The following ANO7 variants were observed in gnomAD, a reference collection of about 807,000 sequenced individuals.
ANO7 encodes the protein anoctamin 7.
Under a neutral mutation model 115.8 loss-of-function variants are expected in ANO7, and 114 were observed. That is an observed-to-expected ratio of 0.98 (90% CI 0.85 to 1.15). The LOEUF (loss-of-function observed/expected upper bound fraction) is 1.15. Among genes scored for constraint, ANO7 ranks in the 50% most tolerant of loss-of-function variants. The probability of loss-of-function intolerance (pLI) is 0.00; values close to 1 mark genes in which losing one functional copy is unlikely to be tolerated. For missense variants in ANO7, 1,302 were observed against 1,201.2 expected, an observed-to-expected ratio of 1.08 and a Z score of -1.24; for synonymous variants, 550 against 498.2, an observed-to-expected ratio of 1.10 and a Z score of -1.38.
intron 19 of ANO7, among the ~76,000 whole-genome samples, chr2:241,217,236 C>A (rs1419890170): frequency 1.3e-5 from 2 of 152,212 alleles, no homozygotes; most frequent in Non-Finnish European, 1.5e-5. Context: ...GTTCCCAGGG[C>A]GAGGAGTGGA....
At chr2:241,239,655 T>C in the ANO7 span, 1 of 1,614,228 alleles carries the variant, frequency 6.2e-7, no homozygotes, top group Non-Finnish European at 8.5e-7. The surrounding 1 kb of genome is among the most constrained non-coding windows in gnomAD (Gnocchi z 4.6). Flanking sequence ...ACACAGTCCT[T>C]GGCGCCCTTG....
chr2:241,235,369 TC>T, the ANO7 span: 1 of 1,517,854 alleles, frequency 6.6e-7, no homozygotes, highest in Non-Finnish European at 9.1e-7. Flanking sequence ...TGAAGGGAAG[TC>T]AGTGCCCAGT....
chr2:241,197,549 G>A (rs890934798), intron 4 of ANO7, among the ~76,000 whole-genome samples: 8 of 152,058 alleles, frequency 5.3e-5, no homozygotes, highest in Admixed American at 3.9e-4. Flanking sequence ...ACCATGCCCG[G>A]CTAATTTTTT....
At chr2:241,190,609 G>A (rs1271032732) in intron 2 of ANO7, among the ~76,000 whole-genome samples, 1 of 152,244 alleles carries the variant, frequency 6.6e-6, no homozygotes, top group Non-Finnish European at 1.5e-5. Flanking sequence ...AAGGCCATGC[G>A]GGAGGCCCTG....
chr2:241,226,104 G>A (rs906737652), downstream of ANO7, among the ~76,000 whole-genome samples: 6 of 152,000 alleles, frequency 3.9e-5, no homozygotes, highest in African/African-American at 1.2e-4. Context: ...GAAGCTCCCC[G>A]ATGCCCACGT....
downstream of ANO7, chr2:241,229,945 TCCA>T (rs1171009287): frequency 3.1e-6 from 5 of 1,601,652 alleles, no homozygotes; most frequent in African/African-American, 2.7e-5. Context: ...CGCCTCACTG[TCCA>T]CCACGTCAGC....
chr2:241,218,383 T>C lies in ANO7; in HGVS notation c.2321+2T>C. On this transcript the variant is annotated splice_donor_variant, in intron 21 of 24. Transcript: ENST00000674324. LOFTEE classifies it high-confidence loss of function. ...CGCCGCGCACAACCGCACGTGCAGG[T>C]GAGCCCCGCGCCAGGTGGAGGGGGC... The C allele has an allele frequency of 7.1e-7, 1 of 1,409,542 alleles. No homozygotes were observed. Among genetic ancestry groups the C allele is most frequent in the Non-Finnish European group, 9.3e-7 (1 of 1,078,882 alleles). The allele number at this position is 1,409,542 out of a possible 1,614,324, so 87.3% of individuals were successfully genotyped here.
chr2:241,190,293 C>G (rs1307957375), intron 2 of ANO7, 122 bp downstream of exon 2: 3 of 779,172 alleles, frequency 3.9e-6, no homozygotes, highest in Non-Finnish European at 6.2e-6. Flanking sequence ...CTCCTGCATC[C>G]CCCGGCAACC....
chr2:241,195,807 C>T lies in ANO7; in HGVS notation c.271C>T (p.Leu91=), dbSNP rs750105636. The part of the protein sequence containing the change: ...DMHRTWRETF[L]DNLRAAGLCV... ...GCACAGGACCTGGCGGGAGACTTTT[C>T]TGGATAATCTTCGTGCGGCTGGGCT... Residue 91 remains leucine (L), a synonymous_variant, in exon 4 of 25, where the codon CTG becomes TTG. Coordinates refer to ENST00000674324, the MANE Select transcript of ANO7 (RefSeq NM_001370694.2). 7.4e-6 allele frequency: 12 copies of T among 1,614,250 alleles called. No individual in the cohort carries two copies. The highest frequency in any genetic ancestry group is 3.3e-4 in the Middle Eastern group (2 of 6,062).
At chr2:241,218,445 G>C in intron 21 of ANO7, 64 bp downstream of exon 21, 1 of 1,242,090 alleles carries the variant, frequency 8.1e-7, no homozygotes, top group Non-Finnish European at 1.0e-6. Context: ...CGGGGCTCGG[G>C]TGGGGTGGGG....
the ANO7 span, chr2:241,239,864 G>A: frequency 2.8e-4 from 447 of 1,611,780 alleles, 1 homozygote; most frequent in Non-Finnish European, 3.7e-4. This position sits in a 1 kb window ranked among gnomAD's most constrained non-coding sequence, Gnocchi z 4.6. Context: ...CCCCATCACG[G>A]CCCCAGCAGA....
rs1406567324 is a variant in ANO7, at chr2:241,204,962, G to T, written c.980+7G>T. ...TGTTCTCAGACATACCCACGTGAGT[G>T]TTCCCTCTCCGCAGCTCTGGGGCCT... On this transcript the variant is annotated splice_region_variant and intron_variant, in intron 10 of 24. Coordinates refer to ENST00000674324, the MANE Select transcript of ANO7 (RefSeq NM_001370694.2). The T allele has an allele frequency of 6.2e-7, 1 of 1,613,482 alleles. No individual in the cohort carries two copies. The highest frequency in any genetic ancestry group is 1.3e-5 in the African/African-American group (1 of 74,938).
chr2:241,236,758 C>T, the ANO7 span: 1 of 1,614,170 alleles, frequency 6.2e-7, no homozygotes, highest in South Asian at 1.1e-5. Flanking sequence ...ACAACTGGCT[C>T]TGTACTGTGA....
In ANO7 at chr2:241,203,556, T is replaced by C; in HGVS notation, c.889+58T>C. ...GGGCCCCCCCAGCTTGGTGTCAGGTTGTAACAATTTGCCAGTCCGTACCCC... is the reference window on the plus strand; with the variant it reads ...GGGCCCCCCCAGCTTGGTGTCAGGTCGTAACAATTTGCCAGTCCGTACCCC... On this transcript the variant is annotated intron_variant, in intron 9 of 24. Transcript: ENST00000674324. This position sits in a 1 kb window ranked among gnomAD's most constrained non-coding sequence, Gnocchi z 4.8. 1 of 1,307,106 alleles carries C rather than the reference T, an allele frequency of 7.7e-7. No homozygotes were observed. Among genetic ancestry groups the C allele is most frequent in the South Asian group, 1.6e-5 (1 of 61,812 alleles). 81.0% of individuals were successfully genotyped at this position (1,307,106 alleles called of 1,614,324 possible).
chr2:241,214,111 C>A (rs1462431752), intron 17 of ANO7, among the ~76,000 whole-genome samples: 1 of 152,186 alleles, frequency 6.6e-6, no homozygotes, highest in Non-Finnish European at 1.5e-5. Context: ...ATGGTGAAAT[C>A]CCGTCTCTAC....
intron 1 of ANO7, 29 bp from the exon 2 acceptor site, chr2:241,190,028 C>A: frequency 1.9e-6 from 3 of 1,539,436 alleles, no homozygotes; most frequent in East Asian, 2.4e-5. Context: ...TCTCTGACCC[C>A]CATCCCCACC....
downstream of ANO7, among the ~76,000 whole-genome samples, chr2:241,226,358 T>TG (rs2069170029): frequency 1.3e-5 from 2 of 152,070 alleles, no homozygotes; most frequent in South Asian, 4.1e-4. Flanking sequence ...ATTTTGCAGT[T>TG]GTGTGCTTTG....
intron 3 of ANO7, among the ~76,000 whole-genome samples, chr2:241,193,283 A>T (rs891078528): frequency 6.6e-6 from 1 of 152,062 alleles, no homozygotes. Context: ...TTGGTTGGGC[A>T]GGTCTTGAAC....
At chr2:241,191,689 C>T (rs75738197) in intron 3 of ANO7, among the ~76,000 whole-genome samples, 1,779 of 151,984 alleles carry the variant, frequency 0.012, 72 homozygotes, top group East Asian at 0.11. Flanking sequence ...CAGCACCAGC[C>T]GGGCTCCCAG....
Sources: allele counts gnomAD v4.1 joint callset (sites outside exome capture counted in the v4.1 genomes callset), GRCh38; gene constraint gnomAD v4.1.1; non-coding constraint Gnocchi (gnomAD v3.1); transcripts MANE v1.5; gene names NCBI Gene and HGNC (gene_info 2026-07-23, HGNC 2026-07-21).